ARHGAP42: variants seen among roughly 807,000 people sequenced by gnomAD.
The protein encoded by ARHGAP42 is rho GTPase-activating protein 42.
In ARHGAP42, 63 loss-of-function variants were observed where a neutral mutation model predicts 125.0. The observed-to-expected ratio is 0.50, with a 90% CI of 0.41 to 0.62. The LOEUF (loss-of-function observed/expected upper bound fraction) is 0.62. Ranked by LOEUF, ARHGAP42 falls within the 20% of genes least tolerant of loss-of-function variation. ARHGAP42 has a pLI of 0.00. For missense variants in ARHGAP42, 766 were observed against 1,024.2 expected (o/e 0.75, Z 3.44); for synonymous variants, 339 against 351.0 (o/e 0.97, Z 0.38).
chr11:100,776,938 G>T (rs1863141129), intron 2 of ARHGAP42, among the ~76,000 whole-genome samples: 1 of 144,866 alleles, frequency 6.9e-6, no homozygotes, highest in South Asian at 2.2e-4. Context: ...AACTCAGATT[G>T]CACCACTGCA....
chr11:100,742,354 T>C (rs972146540), intron 1 of ARHGAP42, among the ~76,000 whole-genome samples: 1 of 104,346 alleles, frequency 9.6e-6, no homozygotes, highest in Non-Finnish European at 1.9e-5. Flanking sequence ...TCTTATTCAG[T>C]GACTAATTGA....
chr11:100,814,594 G>A (rs768435767), intron 3 of ARHGAP42, among the ~76,000 whole-genome samples: 9 of 152,106 alleles, frequency 5.9e-5, no homozygotes, highest in Non-Finnish European at 1.0e-4. Context: ...TTCTGCTTCT[G>A]GGGAGTCCTC....
At chr11:100,893,000 G>C (rs1407651949) in intron 4 of ARHGAP42, among the ~76,000 whole-genome samples, 1 of 152,150 alleles carries the variant, frequency 6.6e-6, no homozygotes, top group Non-Finnish European at 1.5e-5. Flanking sequence ...ACAACTAAAA[G>C]AACTTGTAAG....
intron 2 of ARHGAP42, among the ~76,000 whole-genome samples, chr11:100,779,557 C>CGTATAT (rs1565210737): frequency 7.3e-6 from 1 of 137,818 alleles, no homozygotes; most frequent in African/African-American, 2.9e-5. Context: ...TATACATATA[C>CGTATAT]ATACGTATAT....
At chr11:100,753,292 C>T (rs945620604) in intron 1 of ARHGAP42, among the ~76,000 whole-genome samples, 2 of 152,184 alleles carry the variant, frequency 1.3e-5, no homozygotes, top group Non-Finnish European at 2.9e-5. Context: ...CTCCCATGCA[C>T]TTGATAAGGC....
At chr11:100,776,807 A>G (rs1407503250) in intron 2 of ARHGAP42, among the ~76,000 whole-genome samples, 3 of 151,836 alleles carry the variant, frequency 2.0e-5, no homozygotes, top group Non-Finnish European at 4.4e-5. Context: ...ACATGGTGAA[A>G]CCCCATCTCT....
At chr11:100,887,184 A>T (rs576699264) in intron 4 of ARHGAP42, among the ~76,000 whole-genome samples, 1 of 152,360 alleles carries the variant, frequency 6.6e-6, no homozygotes, top group Non-Finnish European at 1.5e-5. Flanking sequence ...CTCAGAAAAT[A>T]CTAAGCATTA....
At chr11:100,795,281 A>G (rs1396867326) in intron 3 of ARHGAP42, 115 bp downstream of exon 3, 16 of 608,972 alleles carry the variant, frequency 2.6e-5, no homozygotes, top group Non-Finnish European at 4.2e-5. Flanking sequence ...TGACACGTCT[A>G]CTAATTTTTA....
rs922705681 is a variant in ARHGAP42, at chr11:100,751,742, A to G, written c.155-18601A>G. Among the ~76,000 whole-genome samples the G allele has an allele frequency of 7.3e-5, 10 of 136,534 alleles. No individual in the cohort carries two copies. In the South Asian group the frequency reaches 2.4e-3, roughly 33 times the overall value. The allele number at this position is 136,534 out of a possible 152,430, so 89.6% of individuals were successfully genotyped here. ...CACCTCACAGACACACTCCTATCCCAGTGTTCTGGTTATTCAGATCAGACA... is the reference window on the plus strand; with the variant it reads ...CACCTCACAGACACACTCCTATCCCGGTGTTCTGGTTATTCAGATCAGACA... On this transcript the variant is annotated intron_variant, in intron 1 of 23. Coordinates refer to ENST00000298815, the MANE Select transcript of ARHGAP42 (RefSeq NM_152432.4).
At chr11:100,913,351 T>A (rs1866976789) in intron 4 of ARHGAP42, 101 bp from the exon 5 acceptor site, 1 of 394,234 alleles carries the variant, frequency 2.5e-6, no homozygotes, top group African/African-American at 2.2e-5. Flanking sequence ...ACTCACTGTC[T>A]TTATTAAATA....
At chr11:100,899,355 G>A (rs566057098) in intron 4 of ARHGAP42, among the ~76,000 whole-genome samples, 4 of 152,232 alleles carry the variant, frequency 2.6e-5, no homozygotes, top group African/African-American at 9.6e-5. Flanking sequence ...ATGTCTATTG[G>A]GTCTGCTTGG....
At chr11:100,953,231 C>A (rs1857712636) in intron 12 of ARHGAP42, among the ~76,000 whole-genome samples, 1 of 152,052 alleles carries the variant, frequency 6.6e-6, no homozygotes, top group South Asian at 2.1e-4. Context: ...AAACCAGTAC[C>A]AGCCCTAACT....
At chr11:100,899,265 T>C (rs1422990496) in intron 4 of ARHGAP42, among the ~76,000 whole-genome samples, 9 of 152,208 alleles carry the variant, frequency 5.9e-5, no homozygotes, top group Non-Finnish European at 1.3e-4. Flanking sequence ...CTTCCAACTA[T>C]GTGGTCAATT....
At chr11:100,954,087 T>A (rs1161485776) in intron 12 of ARHGAP42, among the ~76,000 whole-genome samples, 1 of 152,154 alleles carries the variant, frequency 6.6e-6, no homozygotes. Flanking sequence ...GCAAAAGCAG[T>A]TAACATTTCT....
At chr11:100,735,223 A>G (rs1356558645) in intron 1 of ARHGAP42, among the ~76,000 whole-genome samples, 2 of 152,166 alleles carry the variant, frequency 1.3e-5, no homozygotes, top group Non-Finnish European at 2.9e-5. Flanking sequence ...TTCTTTTATG[A>G]TTGCTTTTAT....
chr11:100,897,481 G>A (rs1866393712), intron 4 of ARHGAP42, among the ~76,000 whole-genome samples: 1 of 152,126 alleles, frequency 6.6e-6, no homozygotes, highest in Admixed American at 6.5e-5. Context: ...AGCATGGAAT[G>A]TTCTTCCATT....
intron 1 of ARHGAP42, among the ~76,000 whole-genome samples, chr11:100,754,752 C>T (rs1199742114): frequency 6.6e-6 from 1 of 152,162 alleles, no homozygotes; most frequent in Non-Finnish European, 1.5e-5. Context: ...AACTCCTACC[C>T]CTCTTGCCCA....
intron 22 of ARHGAP42, among the ~76,000 whole-genome samples, chr11:100,980,559 C>CTTCTTTTTTTTTTTTTTTTCTTTTTT (rs1555037006): frequency 1.9e-5 from 1 of 51,962 alleles, no homozygotes. Flanking sequence ...TTTTCTTCTT[C>CTTCTTTTTTTTTTTTTTTTCTTTTTT]TTTTTTTTTT....
At chr11:100,831,119 C>T (rs1380108001) in intron 3 of ARHGAP42, among the ~76,000 whole-genome samples, 2 of 152,216 alleles carry the variant, frequency 1.3e-5, no homozygotes, top group East Asian at 3.9e-4. Context: ...ATGTTCTAAT[C>T]ACGTGAGCTT....
Sources: allele counts gnomAD v4.1 joint callset (sites outside exome capture counted in the v4.1 genomes callset), GRCh38; gene constraint gnomAD v4.1.1; transcripts MANE v1.5; gene names NCBI Gene and HGNC (gene_info 2026-07-23, HGNC 2026-07-21).